PDLIM5: variants seen among roughly 807,000 people sequenced by gnomAD.
PDLIM5 encodes the protein PDZ and LIM domain protein 5.
In PDLIM5, 34 loss-of-function variants were observed where a neutral mutation model predicts 64.2. That is an observed-to-expected ratio of 0.53 (90% CI 0.40 to 0.71). The LOEUF (loss-of-function observed/expected upper bound fraction) is 0.71. Among genes scored for constraint, PDLIM5 ranks in the 30% least tolerant of loss-of-function variants. PDLIM5 has a pLI of 0.00. For synonymous variants in PDLIM5, 253 were observed against 269.1 expected, an observed-to-expected ratio of 0.94 and a Z score of 0.59; for missense variants, 683 against 733.6, an observed-to-expected ratio of 0.93 and a Z score of 0.80.
chr4:94,584,577 A>G lies in PDLIM5; in HGVS notation c.711-988A>G, dbSNP rs190692732. 517 of 171,656 alleles carry G rather than the reference A, an allele frequency of 3.0e-3. 1 individual carries two copies. The highest frequency in any genetic ancestry group is 4.7e-3 in the Non-Finnish European group (382 of 80,908). 10.6% of individuals were successfully genotyped at this position (171,656 alleles called of 1,614,324 possible). A position where few individuals can be genotyped will look rare whatever the true frequency, so the allele number is the denominator to read the frequency against. On this transcript the variant is annotated intron_variant, in intron 5 of 12. Transcript: ENST00000317968. ...AATAATGCCATACCTCTTCTTCACT[A>G]TGCTGATCCCACACACAGCTTTCTT... is the stretch of plus-strand genomic sequence containing the variant.
intron 6 of PDLIM5, among the ~76,000 whole-genome samples, chr4:94,586,082 A>G (rs1736170767): frequency 6.6e-6 from 1 of 152,166 alleles, no homozygotes; most frequent in African/African-American, 2.4e-5. Context: ...AGGCAGGAGA[A>G]TCATTTGAAC....
intron 8 of PDLIM5, among the ~76,000 whole-genome samples, chr4:94,634,682 G>A (rs11732687): frequency 0.41 from 62,637 of 152,006 alleles, 13,712 homozygotes; most frequent in South Asian, 0.67. Context: ...TCTATGCATT[G>A]TAATCCTCAC....
chr4:94,657,339 A>C (rs1742289107), intron 10 of PDLIM5, 88 bp from the exon 11 acceptor site: 1 of 924,888 alleles, frequency 1.1e-6, no homozygotes, highest in Non-Finnish European at 1.7e-6. Context: ...TTAGCTCTAC[A>C]GGGATTTACT....
intron 8 of PDLIM5, among the ~76,000 whole-genome samples, chr4:94,622,468 G>T (rs982635885): frequency 2.0e-5 from 3 of 152,166 alleles, no homozygotes; most frequent in South Asian, 2.1e-4. Context: ...AAATGAGAAT[G>T]AATAATTCAT....
chr4:94,624,759 G>A (rs542587357), intron 8 of PDLIM5, among the ~76,000 whole-genome samples: 3 of 152,314 alleles, frequency 2.0e-5, no homozygotes, highest in East Asian at 3.9e-4. Flanking sequence ...GGAAAGACAA[G>A]TAGTTCAGTA....
At chr4:94,470,006 G>A (rs1271823636) in intron 2 of PDLIM5, among the ~76,000 whole-genome samples, 3 of 113,772 alleles carry the variant, frequency 2.6e-5, no homozygotes, top group South Asian at 2.9e-4. Flanking sequence ...TCACTCTGTC[G>A]CCCAGGCTGG....
intron 1 of PDLIM5, among the ~76,000 whole-genome samples, chr4:94,452,519 C>T (rs1332339328): frequency 2.0e-5 from 3 of 152,266 alleles, no homozygotes; most frequent in Admixed American, 2.0e-4. Flanking sequence ...CAGATATTTA[C>T]AGTTTTGTGT....
At chr4:94,626,205 T>C (rs1410888761) in intron 8 of PDLIM5, among the ~76,000 whole-genome samples, 1 of 152,182 alleles carries the variant, frequency 6.6e-6, no homozygotes, top group Non-Finnish European at 1.5e-5. Flanking sequence ...ATGAATACAA[T>C]GGGCGGCCTA....
intron 5 of PDLIM5, among the ~76,000 whole-genome samples, chr4:94,576,429 A>C (rs759523844): frequency 1.3e-5 from 2 of 152,206 alleles, no homozygotes; most frequent in Non-Finnish European, 2.9e-5. Flanking sequence ...TACACAACTC[A>C]TCGTAAGGAG....
chr4:94,486,955 A>G (rs1485226044), intron 2 of PDLIM5, among the ~76,000 whole-genome samples: 1 of 152,122 alleles, frequency 6.6e-6, no homozygotes, highest in Non-Finnish European at 1.5e-5. Flanking sequence ...GTGAGCTATA[A>G]TCATGCCACT....
chr4:94,625,198 G>A (rs78416004), intron 8 of PDLIM5, among the ~76,000 whole-genome samples: 3,606 of 152,252 alleles, frequency 0.024, 148 homozygotes, highest in East Asian at 0.15. Context: ...TAAAACACCC[G>A]TGGAGGATTG....
chr4:94,588,257 TA>T, intron 7 of PDLIM5: 2 of 820,268 alleles, frequency 2.4e-6, no homozygotes, highest in Non-Finnish European at 2.9e-6. Context: ...GTGAGGTTAC[TA>T]AAATATGGGT....
chr4:94,456,954 A>T lies in PDLIM5; in HGVS notation c.96+1570A>T, dbSNP rs546275366. The T allele has an allele frequency of 2.8e-5, 28 of 991,594 alleles. No homozygotes were observed. In the African/African-American group the frequency reaches 4.7e-4, roughly 17 times the overall value. 61.4% of individuals were successfully genotyped at this position (991,594 alleles called of 1,614,324 possible). ...ACTGTATGGAAGAGCTGGCTTTCCA[A>T]CAGTTATGCTGTGCTGCCTCTTTAA... On this transcript the variant is annotated intron_variant, in intron 2 of 12. Coordinates refer to ENST00000317968, the MANE Select transcript of PDLIM5 (RefSeq NM_006457.5).
chr4:94,486,384 T>A (rs1386756149), intron 2 of PDLIM5, among the ~76,000 whole-genome samples: 1 of 152,154 alleles, frequency 6.6e-6, no homozygotes, highest in Admixed American at 6.5e-5. Flanking sequence ...AATATTAGAC[T>A]GTAAGTGAGC....
At chr4:94,631,425 G>A (rs536582213) in intron 8 of PDLIM5, among the ~76,000 whole-genome samples, 1 of 152,236 alleles carries the variant, frequency 6.6e-6, no homozygotes, top group African/African-American at 2.4e-5. Context: ...AATCTAAGCT[G>A]TTAAGAGACT....
At chr4:94,661,008 C>T (rs12331835) in intron 11 of PDLIM5, among the ~76,000 whole-genome samples, 35,122 of 151,882 alleles carry the variant, frequency 0.23, 4,427 homozygotes, top group African/African-American at 0.33. Context: ...CACTTGAACC[C>T]GAGAGGTGGA....
intron 7 of PDLIM5, among the ~76,000 whole-genome samples, chr4:94,612,533 C>T (rs998819370): frequency 5.9e-5 from 9 of 152,144 alleles, no homozygotes; most frequent in African/African-American, 1.9e-4. Flanking sequence ...CAGAAAAGTG[C>T]CTGCGTGCAT....
At chr4:94,478,190 A>C (rs1217689886) in intron 2 of PDLIM5, among the ~76,000 whole-genome samples, 1 of 147,770 alleles carries the variant, frequency 6.8e-6, no homozygotes, top group Non-Finnish European at 1.5e-5. Context: ...CGGGAGGCGG[A>C]GGTTGCAGTG....
chr4:94,654,514 C>T lies in PDLIM5; in HGVS notation c.1338C>T (p.Cys446=), dbSNP rs201013535. The T allele has an allele frequency of 2.4e-5, 38 of 1,611,664 alleles. No homozygotes were observed. Among genetic ancestry groups the T allele is most frequent in the South Asian group, 5.5e-5 (5 of 91,014 alleles). ...CTTGGCACCCAGAAGAATTCAACTGCGCTCACTGCAAAAATACAATGGCCT... is the reference window on the plus strand; with the variant it reads ...CTTGGCACCCAGAAGAATTCAACTGTGCTCACTGCAAAAATACAATGGCCT... ...GKSWHPEEFN[C]AHCKNTMAYI... is the part of the protein sequence containing the mutation. Residue 446 remains cysteine (C), a synonymous_variant, in exon 10 of 13, where the codon TGC becomes TGT. Coordinates refer to ENST00000317968, the MANE Select transcript of PDLIM5 (RefSeq NM_006457.5).
Sources: gnomAD v4.1 joint callset for allele counts (sites outside exome capture counted in the v4.1 genomes callset) on GRCh38, gnomAD v4.1.1 for gene constraint, MANE v1.5 for transcripts, NCBI Gene and HGNC (gene_info 2026-07-23, HGNC 2026-07-21) for gene names.